The following MRPL22 variants were observed in gnomAD, a reference collection of about 807,000 sequenced individuals.
MRPL22 encodes mitochondrial ribosomal protein L22, also known as large ribosomal subunit protein uL22m.
MRPL22 carries 27 observed loss-of-function variants against 32.4 expected under a neutral mutation model. The observed-to-expected ratio is 0.83, with a 90% CI of 0.61 to 1.15. The LOEUF is 1.15. MRPL22 is among the 50% of genes most tolerant of loss of function. MRPL22 has a pLI of 0.00. For missense variants in MRPL22, 239 were observed against 260.2 expected, an observed-to-expected ratio of 0.92 and a Z score of 0.56; for synonymous variants, 86 against 87.3, an observed-to-expected ratio of 0.99 and a Z score of 0.08.
intron 2 of MRPL22, among the ~76,000 whole-genome samples, chr5:154,949,986 C>T (rs1183568920): frequency 6.6e-6 from 1 of 152,102 alleles, no homozygotes; most frequent in Non-Finnish European, 1.5e-5. Flanking sequence ...TGTATTAGTC[C>T]ATTTCACACT....
In MRPL22 at chr5:154,941,263, G is replaced by A. The variant is rs1218576414; in HGVS notation, c.75G>A (p.Leu25=). 1 of 1,613,026 alleles carries A rather than the reference G, an allele frequency of 6.2e-7. No individual in the cohort carries two copies. The highest frequency in any genetic ancestry group is 2.2e-5 in the East Asian group (1 of 44,884). The part of the protein sequence containing the change: ...HNLRSRGKLA[L]GVLPQSYIHT... ...TGAGGAGCCGGGGGAAGCTGGCCTTGGGGTGAGTCTCTCGCTTCGGAGTTT... is the reference window on the plus strand; with the variant it reads ...TGAGGAGCCGGGGGAAGCTGGCCTTAGGGTGAGTCTCTCGCTTCGGAGTTT... The change falls in exon 2 of 7, where the codon TTG becomes TTA. Residue 25 remains leucine (L), a splice_region_variant and synonymous_variant. Coordinates refer to ENST00000523037, the MANE Select transcript of MRPL22 (RefSeq NM_014180.4).
At chr5:154,954,841 G>T (rs1419354552) in intron 3 of MRPL22, among the ~76,000 whole-genome samples, 1 of 152,088 alleles carries the variant, frequency 6.6e-6, no homozygotes, top group Non-Finnish European at 1.5e-5. Context: ...GCCCAGGCTG[G>T]AGTGCAGTGG....
chr5:154,941,883 C>T (rs536519037), intron 2 of MRPL22, among the ~76,000 whole-genome samples: 23 of 152,216 alleles, frequency 1.5e-4, no homozygotes, highest in Admixed American at 1.3e-3. Context: ...AATAAAAAAT[C>T]GGTATTTGAA....
intron 6 of MRPL22, among the ~76,000 whole-genome samples, chr5:154,962,612 C>G (rs917059724): frequency 5.3e-5 from 8 of 152,138 alleles, no homozygotes; most frequent in African/African-American, 1.9e-4. Context: ...TTTCAAATGC[C>G]TGTCATTGGT....
rs1192551367 is a variant in MRPL22, at chr5:154,956,392, C to T, written c.217C>T (p.Gln73Ter). 4 of 1,609,582 alleles carry T rather than the reference C, an allele frequency of 2.5e-6. No homozygotes were observed. Among genetic ancestry groups the T allele is most frequent in the Non-Finnish European group, 3.4e-6 (4 of 1,176,968 alleles). ...TAAGGAAATCTACCACTGTCGAAGA[C>T]AAATAAAATATAGCAAAGACAAGAT... Reference protein sequence around the residue: ...RPAEIYHCRRQIKYSKDKMWY... With the variant: ...RPAEIYHCRR Residue 73 changes from glutamine to a stop codon, truncating the protein, a stop_gained, in exon 4 of 7, where the codon CAA becomes TAA. Coordinates refer to ENST00000523037, the MANE Select transcript of MRPL22 (RefSeq NM_014180.4). LOFTEE classifies it high-confidence loss of function.
rs763400109 is a variant in MRPL22 at position 154,957,165 on chromosome 5, G to T, written c.292G>T (p.Ala98Ser). 5.6e-6 allele frequency: 9 copies of T among 1,613,402 alleles called. No homozygotes were observed. The highest frequency in any genetic ancestry group is 7.6e-6 in the Non-Finnish European group (9 of 1,179,602). ...IRGMSIDQAL[A>S]QLEFNDKKGA... Reference sequence around the variant, plus strand: ...AGGAATGTCTATTGACCAGGCTTTGGCTCAGTTGGAATTCAATGACAAAAA... The same window carrying T: ...AGGAATGTCTATTGACCAGGCTTTGTCTCAGTTGGAATTCAATGACAAAAA... The change falls in exon 5 of 7, where the codon GCT becomes TCT. Residue 98 changes from alanine (A) to serine (S), a missense_variant. By Grantham distance (99) the Ala-to-Ser change is moderately conservative (BLOSUM62 1). Coordinates refer to ENST00000523037, the MANE Select transcript of MRPL22 (RefSeq NM_014180.4).
intron 3 of MRPL22, among the ~76,000 whole-genome samples, chr5:154,954,534 C>T (rs933357698): frequency 6.6e-5 from 10 of 152,154 alleles, no homozygotes; most frequent in African/African-American, 2.2e-4. Flanking sequence ...TTGCTTGATA[C>T]GTACTGAGAC....
intron 3 of MRPL22, chr5:154,955,787 C>T (rs2112220): frequency 0.039 from 5,892 of 152,610 alleles, 176 homozygotes; most frequent in African/African-American, 0.084. Flanking sequence ...AAATAGGTTA[C>T]TTTATTTCCC....
intron 3 of MRPL22, among the ~76,000 whole-genome samples, 169 bp downstream of exon 3, chr5:154,951,107 C>T (rs1263106694): frequency 1.3e-5 from 2 of 152,144 alleles, no homozygotes; most frequent in African/African-American, 4.8e-5. Flanking sequence ...GATTGTTATT[C>T]TTTACTTATT....
chr5:154,946,977 T>C (rs1453440226), intron 2 of MRPL22, among the ~76,000 whole-genome samples: 1 of 152,166 alleles, frequency 6.6e-6, no homozygotes, highest in Non-Finnish European at 1.5e-5. Context: ...AATTTAAAAA[T>C]AACACTAGCC....
At chr5:154,943,920 C>G (rs1764454667) in intron 2 of MRPL22, among the ~76,000 whole-genome samples, 1 of 152,084 alleles carries the variant, frequency 6.6e-6, no homozygotes. Flanking sequence ...ACCTCAGTCT[C>G]CCAAAGTGCT....
At chr5:154,942,422 G>C (rs1467340900) in intron 2 of MRPL22, among the ~76,000 whole-genome samples, 1 of 152,112 alleles carries the variant, frequency 6.6e-6, no homozygotes, top group Non-Finnish European at 1.5e-5. Context: ...GGTCCGAGGG[G>C]GATAAAGAGG....
intron 2 of MRPL22, among the ~76,000 whole-genome samples, chr5:154,947,344 T>C (rs531402267): frequency 3.3e-5 from 5 of 152,312 alleles, no homozygotes; most frequent in East Asian, 1.9e-4. Context: ...TCATACATCA[T>C]GTATCCTAAT....
rs368376802 is a variant in MRPL22, at chr5:154,941,317, C to T, written c.77+52C>T. 2.2e-4 allele frequency: 353 copies of T among 1,609,062 alleles called. 1 individual carries two copies. The highest frequency in any genetic ancestry group is 2.8e-4 in the Non-Finnish European group (334 of 1,177,840). On this transcript the variant is annotated intron_variant, in intron 2 of 6. Coordinates refer to ENST00000523037, the MANE Select transcript of MRPL22 (RefSeq NM_014180.4). ...AAGGGCCCAAGGCATCTTTAGTATT[C>T]TGCCAGTTGGTAACTGAGCGCCTCC...
intron 5 of MRPL22, among the ~76,000 whole-genome samples, chr5:154,959,658 C>G (rs1369624255): frequency 1.3e-5 from 2 of 152,170 alleles, no homozygotes; most frequent in Non-Finnish European, 2.9e-5. Flanking sequence ...GCCTTGGGAA[C>G]TTTTTGACAA....
chr5:154,959,434 C>T lies in MRPL22; in HGVS notation c.340-546C>T, dbSNP rs538030695. 4.6e-5 allele frequency among the ~76,000 whole-genome samples: 7 copies of T among 152,292 alleles called. No individual in the cohort carries two copies. In the East Asian group the frequency reaches 1.3e-3, roughly 29 times the overall value. ...TCTTGGCTCACTGCAGCCTCCACCTCCTGGGTTCAAGTGATCCTCCAGCCT... is the reference window on the plus strand; with the variant it reads ...TCTTGGCTCACTGCAGCCTCCACCTTCTGGGTTCAAGTGATCCTCCAGCCT... On this transcript the variant is annotated intron_variant, in intron 5 of 6. Transcript: ENST00000523037.
chr5:154,956,699 A>T (rs1321626801), intron 4 of MRPL22: 1 of 403,882 alleles, frequency 2.5e-6, no homozygotes, highest in African/African-American at 2.1e-5. Flanking sequence ...AATCCAGGAA[A>T]CCCACCTATT....
intron 3 of MRPL22, among the ~76,000 whole-genome samples, chr5:154,951,466 A>G (rs1764560761): frequency 6.6e-6 from 1 of 152,172 alleles, no homozygotes; most frequent in African/African-American, 2.4e-5. Flanking sequence ...ATATTTTGTC[A>G]TGACATCACA....
intron 2 of MRPL22, among the ~76,000 whole-genome samples, chr5:154,946,220 G>T (rs2113532234): frequency 6.6e-6 from 1 of 152,256 alleles, no homozygotes; most frequent in East Asian, 1.9e-4. Context: ...TCATGTTTCT[G>T]TCATGCTGTT....
Sources: gnomAD v4.1 joint callset for allele counts (sites outside exome capture counted in the v4.1 genomes callset) on GRCh38, gnomAD v4.1.1 for gene constraint, MANE v1.5 for transcripts, NCBI Gene and HGNC (gene_info 2026-07-23, HGNC 2026-07-21) for gene names.